PALM2AKAP2: variants seen among roughly 807,000 people sequenced by gnomAD.
PALM2AKAP2 encodes PALM2-AKAP2 fusion protein.
PALM2AKAP2 carries 37 observed loss-of-function variants against 71.5 expected under a neutral mutation model. That is an observed-to-expected ratio of 0.52 (90% CI 0.40 to 0.68). PALM2AKAP2 has a LOEUF of 0.68. PALM2AKAP2 is among the 30% of genes least tolerant of loss of function. The pLI is 0.00. For synonymous variants in PALM2AKAP2, 468 were observed against 478.8 expected, an observed-to-expected ratio of 0.98 and a Z score of 0.29; for missense variants, 1,224 against 1,191.8, an observed-to-expected ratio of 1.03 and a Z score of -0.40.
intron 1 of PALM2AKAP2, among the ~76,000 whole-genome samples, chr9:110,109,359 A>G (rs1179673965): frequency 1.3e-5 from 2 of 150,344 alleles, no homozygotes; most frequent in Non-Finnish European, 3.0e-5. Context: ...AAACATTTAA[A>G]AAAAAAAAAA....
chr9:110,141,990 A>C (rs1198847548), intron 2 of PALM2AKAP2, among the ~76,000 whole-genome samples: 1 of 152,012 alleles, frequency 6.6e-6, no homozygotes, highest in Admixed American at 6.6e-5. Context: ...AATGAATGAT[A>C]GAAGTTCTGT....
At chr9:109,838,168 A>G (rs1181393665) in intron 1 of PALM2AKAP2, among the ~76,000 whole-genome samples, 30 of 152,234 alleles carry the variant, frequency 2.0e-4, no homozygotes, top group Admixed American at 3.9e-4. Context: ...AGAAATTATA[A>G]CAAACTGTCT....
At chr9:109,727,318 T>G (rs1828490961) in intron 1 of PALM2AKAP2, among the ~76,000 whole-genome samples, 2 of 152,192 alleles carry the variant, frequency 1.3e-5, no homozygotes, top group Admixed American at 1.3e-4. Context: ...GAATTTTATA[T>G]TCATGATTGG....
chr9:109,858,343 C>CATT (rs140115799), intron 1 of PALM2AKAP2, among the ~76,000 whole-genome samples: 26,062 of 152,100 alleles, frequency 0.17, 2,412 homozygotes, highest in South Asian at 0.23. Flanking sequence ...TGTTTGCTAG[C>CATT]ATTACTTTAT....
In PALM2AKAP2 at chr9:110,048,735, T is replaced by TCCCCCGGAGTCTCCTGGA. The variant is rs879255366; in HGVS notation, c.64_81dup (p.Ser22_Glu27dup). The TCCCCCGGAGTCTCCTGGA allele has an allele frequency of 3.4e-5, 52 of 1,538,936 alleles. No homozygotes were observed. In the East Asian group the frequency reaches 4.4e-4, roughly 13 times the overall value. On this transcript the variant is annotated inframe_insertion, in exon 1 of 4. Coordinates refer to ENST00000374525, the Ensembl canonical transcript of PALM2AKAP2. ...CCCAGCCCGGGGCTGCCGCTCGCCT[T>TCCCCCGGAGTCTCCTGGA]CCCCCGGAGTCTCCTGGACCCCCGG...
At chr9:109,839,151 A>G (rs1395090765) in intron 1 of PALM2AKAP2, among the ~76,000 whole-genome samples, 1 of 152,242 alleles carries the variant, frequency 6.6e-6, no homozygotes, top group African/African-American at 2.4e-5. Context: ...ATACCGGCAA[A>G]CTGAATCCAG....
At chr9:109,862,417 T>C (rs2131672880) in intron 1 of PALM2AKAP2, among the ~76,000 whole-genome samples, 1 of 152,350 alleles carries the variant, frequency 6.6e-6, no homozygotes, top group East Asian at 1.9e-4. Flanking sequence ...TTTTCTTCAA[T>C]GTAGATGCAT....
chr9:109,759,730 A>G (rs1829021404), intron 1 of PALM2AKAP2, among the ~76,000 whole-genome samples: 2 of 152,146 alleles, frequency 1.3e-5, no homozygotes, highest in South Asian at 4.1e-4. Flanking sequence ...ATTCCCAGAG[A>G]ACTTTGTACC....
intron 6 of PALM2AKAP2, among the ~76,000 whole-genome samples, chr9:109,957,609 G>A (rs1831772200): frequency 6.6e-6 from 1 of 152,160 alleles, no homozygotes; most frequent in Admixed American, 6.5e-5. Context: ...TTTCAGCTGA[G>A]ATGCATTCCC....
exon 1 of PALM2AKAP2, chr9:109,640,860 C>A (rs762537447): frequency 1.3e-6 from 2 of 1,518,224 alleles, no homozygotes; most frequent in South Asian, 1.2e-5. Flanking sequence ...CGGAGCCCCG[C>A]GATGGAGTGA....
At chr9:110,063,506 C>T (rs912519862) in intron 1 of PALM2AKAP2, among the ~76,000 whole-genome samples, 9 of 150,838 alleles carry the variant, frequency 6.0e-5, no homozygotes, top group Admixed American at 4.6e-4. Context: ...ATGGCACGAT[C>T]TCAGCTCACT....
chr9:109,884,147 C>T (rs1829914013), intron 3 of PALM2AKAP2, among the ~76,000 whole-genome samples: 1 of 152,160 alleles, frequency 6.6e-6, no homozygotes, highest in African/African-American at 2.4e-5. Flanking sequence ...ATTAGGGAAA[C>T]TACAGAAAAG....
At chr9:109,724,480 A>G (rs1828447909) in intron 1 of PALM2AKAP2, among the ~76,000 whole-genome samples, 1 of 151,646 alleles carries the variant, frequency 6.6e-6, no homozygotes, top group South Asian at 2.1e-4. Flanking sequence ...TAACCAGATC[A>G]AAAGACACCA....
chr9:109,765,144 G>T (rs746671854), intron 1 of PALM2AKAP2, among the ~76,000 whole-genome samples: 3 of 152,188 alleles, frequency 2.0e-5, no homozygotes, highest in Non-Finnish European at 4.4e-5. Context: ...GTATGAATTA[G>T]ATTTACCTGG....
At chr9:109,657,452 T>TTG (rs3062680) in intron 1 of PALM2AKAP2, among the ~76,000 whole-genome samples, 11,754 of 147,114 alleles carry the variant, frequency 0.08, 542 homozygotes, top group Non-Finnish European at 0.095. Flanking sequence ...AATATGGTAT[T>TTG]TGTGTGTGTG....
At chr9:109,782,230 A>C (rs1270285987) in intron 1 of PALM2AKAP2, among the ~76,000 whole-genome samples, 1 of 152,222 alleles carries the variant, frequency 6.6e-6, no homozygotes, top group African/African-American at 2.4e-5. Flanking sequence ...GATCTAGGCA[A>C]ATCTTTGGGA....
intron 1 of PALM2AKAP2, among the ~76,000 whole-genome samples, chr9:109,799,750 T>C (rs10816873): frequency 0.18 from 27,097 of 152,188 alleles, 2,810 homozygotes; most frequent in East Asian, 0.35. Context: ...CTGCCTCAGA[T>C]TCCCAAAGTG....
chr9:109,942,790 G>A lies in PALM2AKAP2; in HGVS notation c.496+10762G>A, dbSNP rs775591357. 5 of 1,614,160 alleles carry A rather than the reference G, an allele frequency of 3.1e-6. No individual in the cohort carries two copies. In the Admixed American group the frequency reaches 6.7e-5, roughly 22 times the overall value. The stretch of plus-strand genomic sequence containing the variant: ...CCCAGAGGGGGTCCATCAGAAAGGA[G>A]TCAAAGTCTATGATGATGGTACCAA... On this transcript the variant is annotated intron_variant, in intron 6 of 9. Coordinates refer to the PALM2AKAP2 transcript ENST00000302798.
intron 7 of PALM2AKAP2, among the ~76,000 whole-genome samples, chr9:110,024,104 A>G (rs924196830): frequency 8.5e-5 from 13 of 152,202 alleles, no homozygotes; most frequent in African/African-American, 3.1e-4. Flanking sequence ...TAAATAACAC[A>G]ACTTTATTAA....
Sources: gnomAD v4.1 joint callset for allele counts (sites outside exome capture counted in the v4.1 genomes callset) on GRCh38, gnomAD v4.1.1 for gene constraint, MANE v1.5 for transcripts, NCBI Gene and HGNC (gene_info 2026-07-23, HGNC 2026-07-21) for gene names.